Variants in KAT6A observed in about 807,000 individuals in gnomAD.
KAT6A encodes the protein lysine acetyltransferase 6A.
KAT6A carries 9 observed loss-of-function variants against 198.4 expected under a neutral mutation model. The observed-to-expected ratio is 0.05, with a 90% CI of 0.03 to 0.08. The LOEUF (loss-of-function observed/expected upper bound fraction) is 0.08, where lower values mean the gene tolerates loss of function less well. Among genes scored for constraint, KAT6A ranks in the 10% least tolerant of loss-of-function variants. The probability of loss-of-function intolerance (pLI) is 1.00; values close to 1 mark genes in which losing one functional copy is unlikely to be tolerated. For missense variants in KAT6A, 2,077 were observed against 2,509.9 expected (o/e 0.83, Z 3.69); for synonymous variants, 890 against 883.0 (o/e 1.01, Z -0.14).
rs7827237 is a variant in KAT6A at position 42,003,588 on chromosome 8, C to T, written c.601-16025G>A. 8.3e-3 allele frequency among the ~76,000 whole-genome samples: 1,263 copies of T among 151,882 alleles called. 16 individuals carry two copies. The highest frequency in any genetic ancestry group is 0.03 in the African/African-American group (1,222 of 41,408). On this transcript the variant is annotated intron_variant, in intron 2 of 16. Coordinates refer to ENST00000265713, the MANE Select transcript of KAT6A (RefSeq NM_006766.5). Reference sequence around the variant, plus strand: ...AATTCCCTATACATCATTTTCTTTACTGAAGTATCTAGTGTGGATTCTATT... The same window carrying T: ...AATTCCCTATACATCATTTTCTTTATTGAAGTATCTAGTGTGGATTCTATT...
At chr8:42,015,460 T>C (rs1222030458) in intron 2 of KAT6A, among the ~76,000 whole-genome samples, 1 of 152,236 alleles carries the variant, frequency 6.6e-6, no homozygotes, top group African/African-American at 2.4e-5. Context: ...TAAAACAGCA[T>C]TTGCCTGTGG....
chr8:41,996,049 T>G (rs1365387210), intron 2 of KAT6A, among the ~76,000 whole-genome samples: 1 of 152,216 alleles, frequency 6.6e-6, no homozygotes, highest in Non-Finnish European at 1.5e-5. Flanking sequence ...TATTTTCTAA[T>G]ATCTTCTGAG....
At chr8:42,036,262 G>C (rs539945810) in intron 2 of KAT6A, among the ~76,000 whole-genome samples, 38 of 152,090 alleles carry the variant, frequency 2.5e-4, no homozygotes, top group African/African-American at 8.9e-4. Flanking sequence ...TCAGATTGGA[G>C]GCCACAAATT....
chr8:42,034,934 A>G (rs1436025662), intron 2 of KAT6A, among the ~76,000 whole-genome samples: 16 of 152,252 alleles, frequency 1.1e-4, no homozygotes, highest in Non-Finnish European at 1.5e-5. Flanking sequence ...AAGTAGTCCC[A>G]GTGTGGGATA....
At chr8:42,030,459 C>T (rs1827050138) in intron 2 of KAT6A, among the ~76,000 whole-genome samples, 1 of 152,186 alleles carries the variant, frequency 6.6e-6, no homozygotes, top group Non-Finnish European at 1.5e-5. Flanking sequence ...TATCTACTGG[C>T]TGTTTTGGTC....
chr8:41,981,276 C>T (rs890816843), intron 4 of KAT6A, among the ~76,000 whole-genome samples: 4 of 152,126 alleles, frequency 2.6e-5, no homozygotes, highest in Admixed American at 1.3e-4. Context: ...CAAGATCGTG[C>T]CACTGCACTC....
At chr8:42,044,346 C>T (rs895665116) in intron 2 of KAT6A, among the ~76,000 whole-genome samples, 7 of 151,980 alleles carry the variant, frequency 4.6e-5, no homozygotes, top group Non-Finnish European at 7.4e-5. Context: ...TGATCCACCC[C>T]CCCCTCGGCA....
chr8:41,933,733 G>C lies in KAT6A; in HGVS notation c.4487C>G (p.Ser1496Trp). Residue 1496 changes from serine (S) to tryptophan (W), a missense_variant, in exon 17 of 17, where the codon TCG becomes TGG. Around this residue, in one of 13 missense-constraint regions of KAT6A, gnomAD observed 178 missense variants for 220.8 expected, o/e 0.81. Coordinates refer to ENST00000265713, the MANE Select transcript of KAT6A (RefSeq NM_006766.5). This position sits in a 1 kb window ranked among gnomAD's most constrained non-coding sequence, Gnocchi z 6.2. ...VQSHPSQSVR[S>W]VSSPNVPALE... ...GGCAGGCACGTTGGGACTGCTGACC[G>C]AACGGACTGACTGGCTGGGGTGAGA... The C allele has an allele frequency of 6.2e-7, 1 of 1,614,134 alleles. No individual in the cohort carries two copies. Among genetic ancestry groups the C allele is most frequent in the Non-Finnish European group, 8.5e-7 (1 of 1,180,030 alleles).
chr8:41,977,091 C>G lies in KAT6A; in HGVS notation c.1280G>C (p.Arg427Pro). 1 of 1,614,182 alleles carries G rather than the reference C, an allele frequency of 6.2e-7. No individual in the cohort carries two copies. Among genetic ancestry groups the G allele is most frequent in the Non-Finnish European group, 8.5e-7 (1 of 1,180,010 alleles). The change falls in exon 7 of 17, where the codon CGG becomes CCG. Residue 427 changes from arginine to proline, a missense_variant. By Grantham distance (103) the Arg-to-Pro change is moderately radical. Transcript: ENST00000265713. ...FTPSPDGRKA[R>P]GEVVDYSEQY... ...CTCAGAGTAGTCCACCACTTCCCCC[C>G]GAGCTTTCCGCCCATCAGGGGAAGG...
chr8:42,013,200 T>C (rs1201492434), intron 2 of KAT6A, among the ~76,000 whole-genome samples: 1 of 151,704 alleles, frequency 6.6e-6, no homozygotes, highest in East Asian at 1.9e-4. Flanking sequence ...TGCATGTAAA[T>C]TTATAGATAA....
At chr8:41,994,551 A>T (rs1275176963) in intron 2 of KAT6A, among the ~76,000 whole-genome samples, 1 of 151,984 alleles carries the variant, frequency 6.6e-6, no homozygotes, top group African/African-American at 2.4e-5. Context: ...CCTTCTCAGT[A>T]AGGCTTTTTT....
chr8:42,027,583 AGTT>A (rs1418354094), intron 2 of KAT6A, among the ~76,000 whole-genome samples: 1 of 152,128 alleles, frequency 6.6e-6, no homozygotes, highest in Non-Finnish European at 1.5e-5. Flanking sequence ...GTTAGCATAC[AGTT>A]GTTCATAATA....
intron 11 of KAT6A, 108 bp from the exon 12 acceptor site, chr8:41,946,792 T>C (rs1247732996): frequency 1.5e-6 from 1 of 678,868 alleles, no homozygotes; most frequent in Non-Finnish European, 2.6e-6. Flanking sequence ...CCTGGTCCTT[T>C]GGGAATAGCA....
chr8:41,957,557 T>C, intron 8 of KAT6A: 1 of 243,754 alleles, frequency 4.1e-6, no homozygotes, highest in South Asian at 4.5e-5. Flanking sequence ...GCACAAAATA[T>C]ATTTAAATGT....
intron 8 of KAT6A, among the ~76,000 whole-genome samples, chr8:41,971,129 G>A (rs1167118385): frequency 6.6e-6 from 1 of 151,254 alleles, no homozygotes; most frequent in Non-Finnish European, 1.5e-5. Context: ...TGTAAATGAC[G>A]AGTTAATGGG....
Position 41,937,234 on chromosome 8 carries a change from A to G in KAT6A, c.3352+22T>C, listed in dbSNP as rs369931329. ...ATATCTGAAGACAATAAACCACAGT[A>G]AGTGAGTTCTGTAAAACATACCATC... On this transcript the variant is annotated intron_variant, in intron 16 of 16. Transcript: ENST00000265713. The G allele has an allele frequency of 5.0e-5, 79 of 1,586,444 alleles. No homozygotes were observed. The East Asian group carries it at 1.1e-3, about 21-fold the overall frequency.
intron 2 of KAT6A, among the ~76,000 whole-genome samples, chr8:42,004,548 C>T (rs980180012): frequency 3.9e-5 from 6 of 152,184 alleles, no homozygotes; most frequent in South Asian, 2.1e-4. Context: ...CAAGATCCTA[C>T]ATTACCTTCT....
chr8:42,003,409 GGAGCCCCTCCT>G (rs1825591383), intron 2 of KAT6A, among the ~76,000 whole-genome samples: 5 of 151,580 alleles, frequency 3.3e-5, no homozygotes, highest in African/African-American at 1.2e-4. Context: ...TCAGCTCTGT[GGAGCCCCTCCT>G]CCAAGCTTCC....
intron 2 of KAT6A, among the ~76,000 whole-genome samples, chr8:41,988,902 T>C (rs761647367): frequency 1.2e-4 from 18 of 152,156 alleles, no homozygotes; most frequent in Non-Finnish European, 2.2e-4. Flanking sequence ...ACCCTCAAGA[T>C]GCATTCATTC....
Sources: allele counts gnomAD v4.1 joint callset (sites outside exome capture counted in the v4.1 genomes callset), GRCh38; gene constraint gnomAD v4.1.1; regional missense constraint gnomAD v4.1.1; non-coding constraint Gnocchi (gnomAD v3.1); transcripts MANE v1.5; gene names NCBI Gene and HGNC (gene_info 2026-07-23, HGNC 2026-07-21).